Variants in ZBTB25 observed in about 807,000 individuals in gnomAD.
ZBTB25 encodes the protein zinc finger and BTB domain-containing protein 25.
ZBTB25 carries 20 observed loss-of-function variants against 34.2 expected under a neutral mutation model. The observed-to-expected ratio is 0.58, with a 90% CI of 0.41 to 0.85. ZBTB25 has a LOEUF of 0.85. ZBTB25 is among the 40% of genes least tolerant of loss of function. The pLI is 0.00. For missense variants in ZBTB25, 437 were observed against 521.8 expected, an observed-to-expected ratio of 0.84 and a Z score of 1.58; for synonymous variants, 175 against 186.4, an observed-to-expected ratio of 0.94 and a Z score of 0.50.
At chr14:64,473,632 G>T (rs1432113210), downstream of ZBTB25, 1 of 167,032 alleles carries the variant, frequency 6.0e-6, no homozygotes, top group African/African-American at 2.4e-5. Context: ...GTTTACAACA[G>T]AATTTAAAAA....
At chr14:64,454,249 C>A (rs978436744) in intron 2 of ZBTB25, among the ~76,000 whole-genome samples, 5 of 152,070 alleles carry the variant, frequency 3.3e-5, no homozygotes, top group Non-Finnish European at 7.4e-5. Flanking sequence ...AGTAGCTGCG[C>A]CTACAGGCAC....
intron 2 of ZBTB25, chr14:64,461,037 C>G: frequency 6.6e-6 from 1 of 151,818 alleles, no homozygotes; most frequent in Non-Finnish European, 1.5e-5. Context: ...AAAAATAAAT[C>G]AAATATTTTT....
intron 2 of ZBTB25, among the ~76,000 whole-genome samples, chr14:64,456,340 C>T (rs1287633116): frequency 6.6e-6 from 1 of 152,194 alleles, no homozygotes; most frequent in Non-Finnish European, 1.5e-5. Flanking sequence ...CCGTTGGGGC[C>T]TTAACGAGAC....
intron 2 of ZBTB25, chr14:64,469,294 A>G (rs1265729255): frequency 6.2e-7 from 1 of 1,613,270 alleles, no homozygotes; most frequent in African/African-American, 1.3e-5. Context: ...CAGAGATTGT[A>G]GCTGAAGAAA....
chr14:64,471,552 G>A (rs569723072), intron 2 of ZBTB25: 11 of 167,218 alleles, frequency 6.6e-5, no homozygotes, highest in Admixed American at 3.9e-4. Flanking sequence ...TCTCATCAAT[G>A]ATTGCCATAT....
Position 64,486,930 on chromosome 14 carries a change from A to G in ZBTB25, c.1301T>C (p.Val434Ala), listed in dbSNP as rs773205048. 6.3e-7 allele frequency: 1 copy of G among 1,595,688 alleles called. No homozygotes were observed. Among genetic ancestry groups the G allele is most frequent in the Admixed American group, 1.8e-5 (1 of 55,908 alleles). Residue 434 changes from valine (V) to alanine (A), a missense_variant, in exon 3 of 3, where the codon GTT becomes GCT. Coordinates refer to ENST00000608382, the MANE Select transcript of ZBTB25 (RefSeq NM_006977.5). ...ATTCTGAAAGAGAAGCTGCTACTCA[A>G]CTAGGATAGTATCCACATTTTCTTG... is the stretch of plus-strand genomic sequence containing the variant. ...LTQENVDTIL[V>A]E
At position 64,478,929 on chromosome 14, in the gene ZBTB25, C is replaced by T. The variant is rs1384767806; in HGVS notation, c.*7994G>A. 1 of 152,128 alleles carries T rather than the reference C, an allele frequency of 6.6e-6. No individual in the cohort carries two copies. Among genetic ancestry groups the T allele is most frequent in the African/African-American group, 2.4e-5 (1 of 41,430 alleles). 9.4% of individuals were successfully genotyped at this position (152,128 alleles called of 1,614,324 possible). On this transcript the variant is annotated 3_prime_UTR_variant, in exon 3 of 3. Transcript: ENST00000608382. ...TACAATCTCAATTTCATGAAGAGAC[C>T]TCTTTGGGGAGACAATTATTTAGTT...
At chr14:64,504,759 G>A (rs1220604325), upstream of ZBTB25, 1 of 376,114 alleles carries the variant, frequency 2.7e-6, no homozygotes, top group Non-Finnish European at 4.7e-6. Context: ...GTGCGGCAGC[G>A]GAAGTCCTTT....
downstream of ZBTB25, among the ~76,000 whole-genome samples, chr14:64,476,447 T>A (rs1326453058): frequency 2.6e-5 from 4 of 152,258 alleles, no homozygotes; most frequent in African/African-American, 9.6e-5. Flanking sequence ...TGCCTCAGCC[T>A]GCCGCTGAGA....
chr14:64,452,873 T>C (rs1055267314), intron 2 of ZBTB25, among the ~76,000 whole-genome samples: 1 of 151,958 alleles, frequency 6.6e-6, no homozygotes, highest in African/African-American at 2.4e-5. Flanking sequence ...TTTTTAATTT[T>C]TATTATTATT....
At chr14:64,505,128 G>A, upstream of ZBTB25, 1 of 343,870 alleles carries the variant, frequency 2.9e-6, no homozygotes, top group Non-Finnish European at 5.2e-6. Context: ...GCTTGTTGCC[G>A]GCGCGTCAGG....
chr14:64,499,403 C>G (rs1233258496), intron 1 of ZBTB25: 1 of 152,010 alleles, frequency 6.6e-6, no homozygotes, highest in African/African-American at 2.4e-5. Flanking sequence ...CCCGTCTCTA[C>G]TAAAAATACA....
At chr14:64,491,849 A>C (rs2079090560) in intron 1 of ZBTB25, among the ~76,000 whole-genome samples, 1 of 152,204 alleles carries the variant, frequency 6.6e-6, no homozygotes, top group Non-Finnish European at 1.5e-5. Context: ...TAAGGAGGTC[A>C]GTGATGTAAT....
chr14:64,453,729 T>C, intron 2 of ZBTB25: 3 of 1,358,938 alleles, frequency 2.2e-6, no homozygotes, highest in Non-Finnish European at 3.2e-6. Context: ...AGTCATGGTG[T>C]CCCCATCTCT....
rs931821743 is a variant in ZBTB25, at chr14:64,478,157, A to C, written c.*8766T>G. The C allele has an allele frequency of 1.3e-5, 2 of 152,200 alleles. No homozygotes were observed. Among genetic ancestry groups the C allele is most frequent in the African/African-American group, 4.8e-5 (2 of 41,456 alleles). 9.4% of individuals were successfully genotyped at this position (152,200 alleles called of 1,614,324 possible). ...AATGTATCTGAGGGAGAGTGGGCTC[A>C]TTTTCCAAGTTGGCTTATCAGCTGT... is the stretch of plus-strand genomic sequence containing the variant. On this transcript the variant is annotated 3_prime_UTR_variant, in exon 3 of 3. Coordinates refer to ENST00000608382, the MANE Select transcript of ZBTB25 (RefSeq NM_006977.5).
At chr14:64,469,317 AT>A in intron 2 of ZBTB25, 1 of 1,613,620 alleles carries the variant, frequency 6.2e-7, no homozygotes, top group East Asian at 2.2e-5. Context: ...AAGCCAAAAG[AT>A]ACTGAATTGA....
At chr14:64,463,256 A>C (rs930860632) in intron 2 of ZBTB25, 13 of 150,736 alleles carry the variant, frequency 8.6e-5, no homozygotes, top group Middle Eastern at 6.7e-3. Context: ...ACACACACAC[A>C]CACATATGGC....
At chr14:64,456,664 C>G (rs60438614) in intron 2 of ZBTB25, among the ~76,000 whole-genome samples, 1,881 of 152,226 alleles carry the variant, frequency 0.012, 40 homozygotes, top group African/African-American at 0.043. Context: ...TGTCTAAGGA[C>G]CCATCCTTTC....
intron 1 of ZBTB25, among the ~76,000 whole-genome samples, chr14:64,492,846 CAG>C (rs1192534433): frequency 1.3e-5 from 2 of 151,790 alleles, no homozygotes; most frequent in African/African-American, 4.8e-5. Context: ...GGCGTGGAGA[CAG>C]AAAAAAATGA....
Sources: gnomAD v4.1 joint callset for allele counts (sites outside exome capture counted in the v4.1 genomes callset) on GRCh38, gnomAD v4.1.1 for gene constraint, MANE v1.5 for transcripts, NCBI Gene and HGNC (gene_info 2026-07-23, HGNC 2026-07-21) for gene names.